Variants in BAZ2B observed in about 807,000 individuals in gnomAD.
The protein encoded by BAZ2B is bromodomain adjacent to zinc finger domain protein 2B.
A neutral mutation model predicts 246.0 loss-of-function variants in BAZ2B; 91 were observed. The observed-to-expected ratio is 0.37, with a 90% confidence interval of 0.31 to 0.44. The LOEUF is 0.44. Among genes scored for constraint, BAZ2B ranks in the 20% least tolerant of loss-of-function variants. The probability of loss-of-function intolerance (pLI) is 1.00; values close to 1 mark genes in which losing one functional copy is unlikely to be tolerated. For synonymous variants in BAZ2B, 855 were observed against 860.0 expected, an observed-to-expected ratio of 0.99 and a Z score of 0.10; for missense variants, 2,332 against 2,533.7, an observed-to-expected ratio of 0.92 and a Z score of 1.71.
At chr2:159,483,097 A>G (rs1252183524) in intron 2 of BAZ2B, among the ~76,000 whole-genome samples, 4 of 152,244 alleles carry the variant, frequency 2.6e-5, no homozygotes, top group African/African-American at 9.6e-5. Flanking sequence ...ATGGAGTATA[A>G]TAACATGACC....
In BAZ2B at chr2:159,427,922, C is replaced by G. The variant is rs758985920; in HGVS notation, c.2466+19G>C. 6.2e-7 allele frequency: 1 copy of G among 1,602,368 alleles called. No homozygotes were observed. The highest frequency in any genetic ancestry group is 1.3e-5 in the African/African-American group (1 of 74,600). Reference sequence around the variant, plus strand: ...ACTACTTTTTGGTTCAAAGACTATACTTTTTAAAAAGTGGATACCTGCGGT... The same window carrying G: ...ACTACTTTTTGGTTCAAAGACTATAGTTTTTAAAAAGTGGATACCTGCGGT... On this transcript the variant is annotated intron_variant, in intron 13 of 36. Coordinates refer to ENST00000392783, the MANE Select transcript of BAZ2B (RefSeq NM_013450.4).
chr2:159,680,548 G>T, the BAZ2B span, among the ~76,000 whole-genome samples: 1 of 152,046 alleles, frequency 6.6e-6, no homozygotes, highest in Admixed American at 6.6e-5. Flanking sequence ...TAATGAATGG[G>T]GCTGTTACCC....
At chr2:159,525,048 C>T (rs1402315216) in intron 2 of BAZ2B, among the ~76,000 whole-genome samples, 1 of 152,064 alleles carries the variant, frequency 6.6e-6, no homozygotes, top group Non-Finnish European at 1.5e-5. Context: ...ATGGAACATA[C>T]TACCATTTAT....
intron 25 of BAZ2B, among the ~76,000 whole-genome samples, chr2:159,382,126 T>C (rs1483250855): frequency 6.6e-6 from 1 of 152,204 alleles, no homozygotes; most frequent in Non-Finnish European, 1.5e-5. Flanking sequence ...TCGTCTTTGA[T>C]TAAAAATACC....
intron 1 of BAZ2B, among the ~76,000 whole-genome samples, chr2:159,599,998 G>C (rs1326303196): frequency 1.3e-5 from 2 of 151,884 alleles, no homozygotes; most frequent in Non-Finnish European, 2.9e-5. Context: ...GATAATTGGG[G>C]GTACTATAGT....
chr2:159,599,213 T>C (rs1691490414), intron 1 of BAZ2B, among the ~76,000 whole-genome samples: 1 of 152,220 alleles, frequency 6.6e-6, no homozygotes, highest in Admixed American at 6.5e-5. Flanking sequence ...AAGGAACTAA[T>C]GTTGACTTTA....
At chr2:159,499,002 T>C (rs1203087557) in intron 2 of BAZ2B, among the ~76,000 whole-genome samples, 1 of 152,078 alleles carries the variant, frequency 6.6e-6, no homozygotes, top group Non-Finnish European at 1.5e-5. Flanking sequence ...CTACACCCTC[T>C]CTTTATTATT....
intron 30 of BAZ2B, among the ~76,000 whole-genome samples, chr2:159,348,379 T>G (rs1237543903): frequency 2.1e-5 from 3 of 140,756 alleles, no homozygotes; most frequent in Non-Finnish European, 4.6e-5. Flanking sequence ...ATGTACATCC[T>G]CCCATATGCT....
the BAZ2B span, among the ~76,000 whole-genome samples, chr2:159,640,193 A>C: frequency 6.6e-6 from 1 of 152,204 alleles, no homozygotes; most frequent in Non-Finnish European, 1.5e-5. Flanking sequence ...TGGAGCAGCC[A>C]GATATATAAA....
At chr2:159,577,325 T>A (rs1199074827) in intron 1 of BAZ2B, among the ~76,000 whole-genome samples, 2 of 152,216 alleles carry the variant, frequency 1.3e-5, no homozygotes, top group African/African-American at 2.4e-5. Flanking sequence ...TTTTTATAAA[T>A]GTGTGTGTAT....
intron 1 of BAZ2B, among the ~76,000 whole-genome samples, chr2:159,580,015 G>C (rs1425584517): frequency 6.6e-6 from 1 of 152,196 alleles, no homozygotes; most frequent in African/African-American, 2.4e-5. Context: ...GCACAAGGCA[G>C]GGATGCCCTC....
chr2:159,695,971 G>A, the BAZ2B span, among the ~76,000 whole-genome samples: 1 of 152,030 alleles, frequency 6.6e-6, no homozygotes, highest in Non-Finnish European at 1.5e-5. Context: ...ATGCTGGTCA[G>A]ACTAGTCTTG....
At chr2:159,421,011 T>C (rs909021787) in intron 13 of BAZ2B, among the ~76,000 whole-genome samples, 6 of 152,210 alleles carry the variant, frequency 3.9e-5, no homozygotes, top group African/African-American at 1.4e-4. Context: ...ATCACTCCTC[T>C]AAAATCAAGA....
the BAZ2B span, among the ~76,000 whole-genome samples, chr2:159,676,026 G>A: frequency 6.6e-6 from 1 of 152,160 alleles, no homozygotes; most frequent in Non-Finnish European, 1.5e-5. Flanking sequence ...CTCCCGAGTA[G>A]CTGGGATTAC....
At chr2:159,598,208 G>C (rs903409660) in intron 1 of BAZ2B, among the ~76,000 whole-genome samples, 1 of 151,880 alleles carries the variant, frequency 6.6e-6, no homozygotes, top group African/African-American at 2.4e-5. Context: ...TGGCCAGGCT[G>C]GTCTTGAACT....
chr2:159,623,401 C>A, the BAZ2B span, among the ~76,000 whole-genome samples: 5 of 152,076 alleles, frequency 3.3e-5, no homozygotes, highest in Admixed American at 6.5e-5. Context: ...ACCACACACA[C>A]ACAAAAAGAA....
At chr2:159,395,996 G>A in intron 19 of BAZ2B, 162 bp from the exon 20 acceptor site, 2 of 560,284 alleles carry the variant, frequency 3.6e-6, no homozygotes, top group Non-Finnish European at 6.1e-6. Flanking sequence ...AGAATGGCCA[G>A]TCTGTGCATG....
At chr2:159,699,128 C>G in the BAZ2B span, among the ~76,000 whole-genome samples, 3 of 152,148 alleles carry the variant, frequency 2.0e-5, no homozygotes, top group African/African-American at 7.2e-5. Context: ...ACCCAGTATC[C>G]TCAGTGGGGC....
chr2:159,524,984 C>T (rs1207722768), intron 2 of BAZ2B, among the ~76,000 whole-genome samples: 1 of 151,928 alleles, frequency 6.6e-6, no homozygotes, highest in Admixed American at 6.6e-5. Context: ...CCAGGAGTTC[C>T]AGACCAGCCA....
Sources: allele counts gnomAD v4.1 joint callset (sites outside exome capture counted in the v4.1 genomes callset), GRCh38; gene constraint gnomAD v4.1.1; transcripts MANE v1.5; gene names NCBI Gene and HGNC (gene_info 2026-07-23, HGNC 2026-07-21).